UNC5D: variants seen among roughly 807,000 people sequenced by gnomAD.
UNC5D encodes unc-5 netrin receptor D.
Under a neutral mutation model 105.4 loss-of-function variants are expected in UNC5D, and 39 were observed. The observed-to-expected ratio is 0.37, with a 90% CI of 0.29 to 0.48. The LOEUF (loss-of-function observed/expected upper bound fraction) is 0.48. UNC5D is among the 20% of genes least tolerant of loss of function. The pLI, the probability that UNC5D is intolerant of heterozygous loss-of-function variation, is 0.98. For missense variants in UNC5D, 991 were observed against 1,202.4 expected (o/e 0.82, Z 2.60); for synonymous variants, 452 against 450.4 (o/e 1.00, Z -0.04).
At chr8:35,407,864 T>C (rs1035107582) in intron 1 of UNC5D, among the ~76,000 whole-genome samples, 9 of 152,136 alleles carry the variant, frequency 5.9e-5, no homozygotes, top group African/African-American at 2.2e-4. Context: ...TGCAATGACA[T>C]GATCTCTTTC....
chr8:35,466,504 A>T (rs558453208), intron 1 of UNC5D, among the ~76,000 whole-genome samples: 2 of 152,166 alleles, frequency 1.3e-5, no homozygotes, highest in Non-Finnish European at 2.9e-5. Flanking sequence ...TTTTAATCAG[A>T]TTGTAAAAAT....
intron 1 of UNC5D, among the ~76,000 whole-genome samples, chr8:35,491,644 G>A (rs1249500385): frequency 2.0e-5 from 3 of 151,938 alleles, no homozygotes; most frequent in African/African-American, 4.8e-5. Flanking sequence ...AGGGATCCAC[G>A]ACTGGAAATA....
At chr8:35,753,578 A>G (rs1485697348) in intron 13 of UNC5D, among the ~76,000 whole-genome samples, 2 of 151,738 alleles carry the variant, frequency 1.3e-5, no homozygotes, top group African/African-American at 2.4e-5. Context: ...AATTAGTAAA[A>G]CTCTTTAATT....
At chr8:35,402,834 G>T (rs1452065713) in intron 1 of UNC5D, among the ~76,000 whole-genome samples, 1 of 152,030 alleles carries the variant, frequency 6.6e-6, no homozygotes, top group African/African-American at 2.4e-5. Context: ...TAAGGGATTG[G>T]GGACAGTTTG....
chr8:35,629,068 C>T (rs1821869834), intron 4 of UNC5D, among the ~76,000 whole-genome samples: 1 of 152,054 alleles, frequency 6.6e-6, no homozygotes, highest in Non-Finnish European at 1.5e-5. Flanking sequence ...TAATTCTTTG[C>T]CTTTCTGGTT....
chr8:35,299,310 T>G (rs1585527646), intron 1 of UNC5D, among the ~76,000 whole-genome samples: 1 of 152,178 alleles, frequency 6.6e-6, no homozygotes, highest in Non-Finnish European at 1.5e-5. Flanking sequence ...GCAGGTCCCC[T>G]GATAAAAGCA....
chr8:35,279,123 G>T (rs1305750641), intron 1 of UNC5D, among the ~76,000 whole-genome samples: 2 of 152,134 alleles, frequency 1.3e-5, no homozygotes, highest in Non-Finnish European at 2.9e-5. Flanking sequence ...CTCTCATCCT[G>T]CTGAGCTACT....
intron 15 of UNC5D, among the ~76,000 whole-genome samples, chr8:35,772,813 T>C (rs1802067518): frequency 6.6e-6 from 1 of 152,046 alleles, no homozygotes. Context: ...TTTTTTTTTT[T>C]TTATACAGGT....
At chr8:35,369,105 T>A (rs915076299) in intron 1 of UNC5D, among the ~76,000 whole-genome samples, 2 of 152,206 alleles carry the variant, frequency 1.3e-5, no homozygotes, top group Non-Finnish European at 2.9e-5. Flanking sequence ...ATCTTTATCT[T>A]CAAACACATT....
chr8:35,787,075 T>C (rs1027184557), intron 16 of UNC5D, among the ~76,000 whole-genome samples: 3 of 152,026 alleles, frequency 2.0e-5, no homozygotes, highest in African/African-American at 7.3e-5. Flanking sequence ...CAAGGCAGAG[T>C]AGAGTAGCAG....
intron 1 of UNC5D, among the ~76,000 whole-genome samples, chr8:35,312,360 A>G (rs1335572779): frequency 2.0e-5 from 3 of 152,196 alleles, no homozygotes; most frequent in Admixed American, 6.5e-5. Context: ...ACATTTAAAT[A>G]TATGTCCAGG....
intron 1 of UNC5D, among the ~76,000 whole-genome samples, chr8:35,513,327 C>G (rs1022767657): frequency 1.3e-5 from 2 of 150,694 alleles, no homozygotes; most frequent in Admixed American, 1.3e-4. Flanking sequence ...CTCCCAGGTT[C>G]AAGTGATTCT....
intron 14 of UNC5D, among the ~76,000 whole-genome samples, chr8:35,760,495 T>C (rs1471335088): frequency 1.3e-5 from 2 of 152,182 alleles, no homozygotes; most frequent in African/African-American, 4.8e-5. Context: ...ATGCTTAGCC[T>C]TAAAAGATCT....
At chr8:35,407,533 G>GTATA (rs1381792665) in intron 1 of UNC5D, among the ~76,000 whole-genome samples, 1 of 151,994 alleles carries the variant, frequency 6.6e-6, no homozygotes, top group Non-Finnish European at 1.5e-5. Flanking sequence ...ATGTATGTAT[G>GTATA]TATGTATGTA....
At chr8:35,358,304 A>T (rs1262674920) in intron 1 of UNC5D, among the ~76,000 whole-genome samples, 1 of 152,208 alleles carries the variant, frequency 6.6e-6, no homozygotes, top group East Asian at 1.9e-4. Context: ...ACACCATGGG[A>T]TACTATGCAG....
At chr8:35,326,126 T>G (rs1327568386) in intron 1 of UNC5D, among the ~76,000 whole-genome samples, 1 of 152,190 alleles carries the variant, frequency 6.6e-6, no homozygotes, top group Non-Finnish European at 1.5e-5. Context: ...AGATTAGCTT[T>G]TTGTATGGGG....
Position 35,748,601 on chromosome 8 carries a change from C to T in UNC5D, c.1841C>T (p.Thr614Ile), listed in dbSNP as rs1173999827. ...GGTCCTCCAGACATGATCGTCACCACTCCCTTTGCATTGACCATCCCGCAC... is the reference window on the plus strand; with the variant it reads ...GGTCCTCCAGACATGATCGTCACCATTCCCTTTGCATTGACCATCCCGCAC... ...TCGPPDMIVT[T>I]PFALTIPHCA... Residue 614 changes from threonine to isoleucine, a missense_variant, in exon 12 of 17, where the codon ACT becomes ATT. Thr to Ile is a moderately conservative substitution (Grantham distance 89). Coordinates refer to ENST00000404895, the MANE Select transcript of UNC5D (RefSeq NM_080872.4). 1.3e-5 allele frequency: 21 copies of T among 1,614,144 alleles called. No homozygotes were observed. Among genetic ancestry groups the T allele is most frequent in the Non-Finnish European group, 1.7e-5 (20 of 1,179,980 alleles).
intron 7 of UNC5D, among the ~76,000 whole-genome samples, chr8:35,694,199 T>A (rs1051788105): frequency 6.6e-6 from 1 of 152,042 alleles, no homozygotes; most frequent in African/African-American, 2.4e-5. Flanking sequence ...ACAGATGATA[T>A]CCCCGAGAAA....
chr8:35,696,477 A>G (rs896022036), intron 7 of UNC5D, among the ~76,000 whole-genome samples: 1 of 152,018 alleles, frequency 6.6e-6, no homozygotes, highest in Non-Finnish European at 1.5e-5. Context: ...CGGGTAAGAA[A>G]TATTAGTCTG....
Sources: gnomAD v4.1 joint callset for allele counts (sites outside exome capture counted in the v4.1 genomes callset) on GRCh38, gnomAD v4.1.1 for gene constraint, MANE v1.5 for transcripts, NCBI Gene and HGNC (gene_info 2026-07-23, HGNC 2026-07-21) for gene names.